CDH3: variants seen among roughly 807,000 people sequenced by gnomAD.
CDH3 encodes cadherin 3.
A neutral mutation model predicts 82.0 loss-of-function variants in CDH3; 54 were observed. The ratio of observed to expected loss-of-function variants is 0.66; its 90% confidence interval spans 0.53 to 0.83. The LOEUF is 0.83. CDH3 is among the 40% of genes least tolerant of loss of function. The pLI, the probability that CDH3 is intolerant of heterozygous loss-of-function variation, is 0.00. For synonymous variants in CDH3, 446 were observed against 437.9 expected (o/e 1.02, Z -0.23); for missense variants, 1,054 against 1,084.6 (o/e 0.97, Z 0.40).
At chr16:68,708,668 G>A (rs1287427640) in intron 1 of CDH3, among the ~76,000 whole-genome samples, 3 of 146,818 alleles carry the variant, frequency 2.0e-5, no homozygotes, top group African/African-American at 5.1e-5. Flanking sequence ...TTTTGAGACC[G>A]AGTCTCGCTC....
chr16:68,684,540 T>C lies in CDH3; in HGVS notation c.1183-43T>C, dbSNP rs537612812. 1.6e-5 allele frequency: 26 copies of C among 1,613,228 alleles called. No homozygotes were observed. In the South Asian group the frequency reaches 2.8e-4, roughly 17 times the overall value. ...CTCAACTGTCCTGCACAGGACCTCC[T>C]CTCAAAATGGTGGTCCAGGTCCTTC... On this transcript the variant is annotated intron_variant, in intron 9 of 15. Transcript: ENST00000264012.
chr16:68,704,918 C>T (rs960749903), downstream of CDH3, among the ~76,000 whole-genome samples: 6 of 152,266 alleles, frequency 3.9e-5, no homozygotes, highest in South Asian at 4.1e-4. Context: ...TTTGATTCAT[C>T]TGAGTGTGGT....
chr16:68,677,919 C>T (rs1205842312), intron 3 of CDH3, among the ~76,000 whole-genome samples: 1 of 147,802 alleles, frequency 6.8e-6, no homozygotes, highest in African/African-American at 2.6e-5. Context: ...GGTCTCCTCA[C>T]CCTTAACTTT....
chr16:68,731,423 C>T (rs56313732), downstream of CDH3, among the ~76,000 whole-genome samples: 588 of 16,842 alleles, frequency 0.035, 114 homozygotes, highest in African/African-American at 0.052. Context: ...TACATATACA[C>T]ATATATACAC....
chr16:68,673,144 T>A (rs889432146), intron 2 of CDH3, among the ~76,000 whole-genome samples: 2 of 152,188 alleles, frequency 1.3e-5, no homozygotes, highest in Non-Finnish European at 2.9e-5. Flanking sequence ...CAAATGTATT[T>A]TTGTTGGGTC....
intron 12 of CDH3, 62 bp downstream of exon 12, chr16:68,687,798 C>A: frequency 8.5e-7 from 1 of 1,176,364 alleles, no homozygotes; most frequent in Non-Finnish European, 1.3e-6. Flanking sequence ...ATCTGCCCCA[C>A]ACCAGGATTC....
intron 1 of CDH3, among the ~76,000 whole-genome samples, chr16:68,708,295 C>A (rs898007806): frequency 6.6e-6 from 1 of 151,762 alleles, no homozygotes; most frequent in East Asian, 1.9e-4. Flanking sequence ...CCACTGCAGT[C>A]CAGCCTGGGT....
At chr16:68,703,061 GT>G (rs916345598), downstream of CDH3, among the ~76,000 whole-genome samples, 6 of 152,208 alleles carry the variant, frequency 3.9e-5, no homozygotes, top group Non-Finnish European at 1.5e-5. Context: ...GGCCCCTCCA[GT>G]GGGGACAGAG....
intron 13 of CDH3, among the ~76,000 whole-genome samples, chr16:68,692,233 C>T (rs1239574938): frequency 6.6e-6 from 1 of 152,080 alleles, no homozygotes; most frequent in Non-Finnish European, 1.5e-5. Flanking sequence ...AATGGGGCCT[C>T]ACTATGTTGC....
chr16:68,645,938 C>T lies in CDH3; in HGVS notation c.160+188C>T, dbSNP rs541529933. ...TGACGGAGAAGGCTGGGCAGCAGAG[C>T]GCCTATGACATCCAGCCCCTTGTCC... On this transcript the variant is annotated intron_variant, in intron 2 of 15. Transcript: ENST00000264012. 14 of 595,998 alleles carry T rather than the reference C, an allele frequency of 2.3e-5. 1 individual carries two copies. In the South Asian group the frequency reaches 2.6e-4, roughly 11 times the overall value. 36.9% of individuals were successfully genotyped at this position (595,998 alleles called of 1,614,324 possible). A position where few individuals can be genotyped will look rare whatever the true frequency, so the allele number is the denominator to read the frequency against.
At chr16:68,690,767 C>A (rs1254390787) in intron 12 of CDH3, among the ~76,000 whole-genome samples, 1 of 151,118 alleles carries the variant, frequency 6.6e-6, no homozygotes, top group Non-Finnish European at 1.5e-5. Flanking sequence ...ATTAGCCAGG[C>A]ATGGTGGCGG....
In CDH3 at chr16:68,698,320, C is replaced by G; in HGVS notation, c.2410C>G (p.Gln804Glu). The change falls in exon 16 of 16, where the codon CAA (glutamine) becomes GAA (glutamate). Residue 804 changes from glutamine (Q) to glutamate (E), a missense_variant. Gln to Glu is a conservative substitution (Grantham distance 29). Coordinates refer to ENST00000264012, the MANE Select transcript of CDH3 (RefSeq NM_001793.6). The stretch of plus-strand genomic sequence containing the variant: ...CACCTCCTCCGCCTCCGACCAAGAC[C>G]AAGATTACGATTATCTGAACGAGTG... The part of the protein sequence containing the change: ...SLTSSASDQD[Q>E]DYDYLNEWGS... 1 of 1,614,228 alleles carries G rather than the reference C, an allele frequency of 6.2e-7. No individual in the cohort carries two copies. The highest frequency in any genetic ancestry group is 8.5e-7 in the Non-Finnish European group (1 of 1,180,022).
chr16:68,674,793 C>T (rs1278776172), intron 2 of CDH3, among the ~76,000 whole-genome samples: 1 of 152,110 alleles, frequency 6.6e-6, no homozygotes, highest in East Asian at 1.9e-4. Context: ...AATACTTTGT[C>T]ATGTCCATAT....
At chr16:68,680,636 G>A (rs1046399523) in intron 7 of CDH3, among the ~76,000 whole-genome samples, 1 of 152,154 alleles carries the variant, frequency 6.6e-6, no homozygotes, top group African/African-American at 2.4e-5. Context: ...CCAAGATCAC[G>A]CCACTACACT....
intron 13 of CDH3, among the ~76,000 whole-genome samples, chr16:68,694,660 G>T (rs914772299): frequency 6.6e-6 from 1 of 151,630 alleles, no homozygotes; most frequent in Non-Finnish European, 1.5e-5. Context: ...TGCATTCCAC[G>T]TAAGTTTAGA....
chr16:68,688,537 G>A (rs1386886987), intron 12 of CDH3, among the ~76,000 whole-genome samples: 4 of 151,940 alleles, frequency 2.6e-5, no homozygotes, highest in Middle Eastern at 3.4e-3. Context: ...GCAGTGAGCC[G>A]TGATTGTGCC....
chr16:68,729,208 C>T (rs1267856441), downstream of CDH3, among the ~76,000 whole-genome samples: 3 of 152,006 alleles, frequency 2.0e-5, no homozygotes, highest in Non-Finnish European at 2.9e-5. Context: ...GGGAGGCTGA[C>T]GCAGGAGAAT....
At chr16:68,688,013 G>A (rs1961464480) in intron 12 of CDH3, among the ~76,000 whole-genome samples, 1 of 151,318 alleles carries the variant, frequency 6.6e-6, no homozygotes, top group South Asian at 2.1e-4. Context: ...CATGTGAAGT[G>A]GACCTGGCAC....
chr16:68,670,223 CAAAA>C (rs71148932), intron 2 of CDH3, among the ~76,000 whole-genome samples: 9 of 91,006 alleles, frequency 9.9e-5, no homozygotes, highest in Admixed American at 2.4e-4. Flanking sequence ...GACTCTGTCT[CAAAA>C]AAAAAAAAAA....
Sources: gnomAD v4.1 joint callset for allele counts (sites outside exome capture counted in the v4.1 genomes callset) on GRCh38, gnomAD v4.1.1 for gene constraint, MANE v1.5 for transcripts, NCBI Gene and HGNC (gene_info 2026-07-23, HGNC 2026-07-21) for gene names.